The following EPB41L4A variants were observed in gnomAD, a reference collection of about 807,000 sequenced individuals.
The protein encoded by EPB41L4A is band 4.1-like protein 4A.
A neutral mutation model predicts 108.6 loss-of-function variants in EPB41L4A; 100 were observed. That is an observed-to-expected ratio of 0.92 (90% CI 0.78 to 1.09). The LOEUF is 1.09. Among genes scored for constraint, EPB41L4A ranks in the 50% least tolerant of loss-of-function variants. EPB41L4A has a pLI of 0.00. For missense variants in EPB41L4A, 1,030 were observed against 842.7 expected, an observed-to-expected ratio of 1.22 and a Z score of -2.75; for synonymous variants, 319 against 289.0, an observed-to-expected ratio of 1.10 and a Z score of -1.05.
intron 9 of EPB41L4A, among the ~76,000 whole-genome samples, chr5:112,254,479 G>A (rs772942734): frequency 6.6e-6 from 1 of 152,110 alleles, no homozygotes; most frequent in Non-Finnish European, 1.5e-5. Context: ...ATCCGATCAT[G>A]GAGGGTGAAG....
At chr5:112,294,770 G>A (rs755262534) in intron 2 of EPB41L4A, among the ~76,000 whole-genome samples, 1 of 151,918 alleles carries the variant, frequency 6.6e-6, no homozygotes, top group Non-Finnish European at 1.5e-5. Context: ...ATTTGGGTGG[G>A]GAACTGAAAA....
chr5:112,263,281 TAATA>T (rs1561521685), intron 6 of EPB41L4A: 1 of 152,288 alleles, frequency 6.6e-6, no homozygotes, highest in East Asian at 1.9e-4. Context: ...ATTGAGATTT[TAATA>T]GATAACCAAA....
chr5:112,178,493 G>C (rs78104516), intron 18 of EPB41L4A, among the ~76,000 whole-genome samples: 5,039 of 152,054 alleles, frequency 0.033, 312 homozygotes, highest in African/African-American at 0.11. Context: ...CATTCTTCTT[G>C]AGTCTACAGA....
intron 1 of EPB41L4A, among the ~76,000 whole-genome samples, chr5:112,370,162 T>A (rs1270518617): frequency 6.6e-6 from 1 of 151,494 alleles, no homozygotes; most frequent in Non-Finnish European, 1.5e-5. Context: ...GTAACTGGGA[T>A]AACAGGTACA....
At chr5:112,407,050 G>A (rs1762116005) in intron 1 of EPB41L4A, among the ~76,000 whole-genome samples, 1 of 152,070 alleles carries the variant, frequency 6.6e-6, no homozygotes, top group East Asian at 1.9e-4. Flanking sequence ...CTTTGGTGCA[G>A]AGGATCAGAC....
chr5:112,229,236 T>C (rs996492447), intron 12 of EPB41L4A, among the ~76,000 whole-genome samples: 7 of 152,194 alleles, frequency 4.6e-5, no homozygotes, highest in Non-Finnish European at 1.0e-4. Context: ...ATCACATTTA[T>C]TCATTTGCAT....
At chr5:112,337,884 G>A (rs914101649) in intron 1 of EPB41L4A, among the ~76,000 whole-genome samples, 5 of 152,084 alleles carry the variant, frequency 3.3e-5, no homozygotes, top group Admixed American at 6.6e-5. Flanking sequence ...AGTCAGGAGC[G>A]GGCATCCCTG....
At chr5:112,389,097 G>C (rs1470948368) in intron 1 of EPB41L4A, among the ~76,000 whole-genome samples, 1 of 152,116 alleles carries the variant, frequency 6.6e-6, no homozygotes, top group African/African-American at 2.4e-5. Context: ...CTTAGCAGAA[G>C]ATTCGGAGAA....
chr5:112,299,393 G>T (rs1407771741), intron 2 of EPB41L4A, among the ~76,000 whole-genome samples: 1 of 152,152 alleles, frequency 6.6e-6, no homozygotes, highest in Non-Finnish European at 1.5e-5. Context: ...GTCTGAGAGA[G>T]TACTTGATAT....
chr5:112,226,269 T>C (rs187096810), intron 12 of EPB41L4A, among the ~76,000 whole-genome samples: 89 of 152,334 alleles, frequency 5.8e-4, no homozygotes, highest in African/African-American at 2.0e-3. Flanking sequence ...GCTGATATTA[T>C]AGAAGTGACG....
Position 112,207,351 on chromosome 5 carries a change from C to A in EPB41L4A, c.1179-1847G>T, listed in dbSNP as rs188465624. ...TCTTAGAAGAAAACCTAGGAAATAT[C>A]ATTCTGGACATCAGCCTTGGTGAAG... On this transcript the variant is annotated intron_variant, in intron 13 of 22. Transcript: ENST00000261486. Among the ~76,000 whole-genome samples, 346 of 152,292 alleles carry A rather than the reference C, an allele frequency of 2.3e-3. 4 individuals carry two copies. The highest frequency in any genetic ancestry group is 8.1e-3 in the African/African-American group (335 of 41,576).
intron 4 of EPB41L4A, among the ~76,000 whole-genome samples, chr5:112,270,847 G>C (rs180731509): frequency 6.6e-6 from 1 of 152,162 alleles, no homozygotes; most frequent in Non-Finnish European, 1.5e-5. Context: ...AAAATGCTGT[G>C]AAATATTATT....
chr5:112,218,255 A>G (rs1415417861), intron 12 of EPB41L4A, among the ~76,000 whole-genome samples: 7 of 152,348 alleles, frequency 4.6e-5, no homozygotes, highest in Admixed American at 4.6e-4. Flanking sequence ...AGACTGCCAG[A>G]TGTGGTAACA....
At chr5:112,153,997 A>G (rs1193417480) in intron 12 of EPB41L4A, among the ~76,000 whole-genome samples, 1 of 152,236 alleles carries the variant, frequency 6.6e-6, no homozygotes, top group Non-Finnish European at 1.5e-5. Flanking sequence ...TTAGAAACAG[A>G]TATGTAGCTG....
chr5:112,277,808 C>T (rs1283164129), intron 3 of EPB41L4A, among the ~76,000 whole-genome samples: 1 of 152,164 alleles, frequency 6.6e-6, no homozygotes, highest in Admixed American at 6.5e-5. Flanking sequence ...TATTTTTTGG[C>T]TCCCTATTCT....
intron 2 of EPB41L4A, among the ~76,000 whole-genome samples, chr5:112,287,830 C>A (rs1413340024): frequency 6.6e-6 from 1 of 152,162 alleles, no homozygotes; most frequent in East Asian, 1.9e-4. Context: ...ACCAAACGAA[C>A]TGGATGATTC....
intron 1 of EPB41L4A, among the ~76,000 whole-genome samples, chr5:112,418,263 G>A (rs1475549419): frequency 1.3e-5 from 2 of 152,216 alleles, no homozygotes. Flanking sequence ...TCCAATGTAA[G>A]GAAGAGGATC....
chr5:112,242,444 T>C (rs1157352091), intron 9 of EPB41L4A, among the ~76,000 whole-genome samples: 2 of 152,236 alleles, frequency 1.3e-5, no homozygotes, highest in East Asian at 3.8e-4. Flanking sequence ...CCATCAGGCT[T>C]CACTTCTAAT....
At chr5:112,242,945 G>A (rs1035988015) in intron 9 of EPB41L4A, among the ~76,000 whole-genome samples, 11 of 152,098 alleles carry the variant, frequency 7.2e-5, no homozygotes, top group African/African-American at 2.7e-4. Context: ...CAGGAGTGGT[G>A]GCTCATGCCT....
Sources: allele counts gnomAD v4.1 joint callset (sites outside exome capture counted in the v4.1 genomes callset), GRCh38; gene constraint gnomAD v4.1.1; transcripts MANE v1.5; gene names NCBI Gene and HGNC (gene_info 2026-07-23, HGNC 2026-07-21).